TPM1: variants seen among roughly 807,000 people sequenced by gnomAD.
The protein encoded by TPM1 is tropomyosin 1.
In TPM1, 24 loss-of-function variants were observed where a neutral mutation model predicts 42.9. That is an observed-to-expected ratio of 0.56 (90% CI 0.41 to 0.79). The LOEUF is 0.79. TPM1 is among the 30% of genes least tolerant of loss of function. The pLI, the probability that TPM1 is intolerant of heterozygous loss-of-function variation, is 0.00. For synonymous variants in TPM1, 136 were observed against 130.1 expected (o/e 1.05, Z -0.31); for missense variants, 158 against 351.8 (o/e 0.45, Z 4.41).
chr15:63,056,479 A>G (rs1596357664), intron 2 of TPM1: 1 of 206,944 alleles, frequency 4.8e-6, no homozygotes, highest in South Asian at 8.0e-5. Context: ...ATCCTGGCTA[A>G]CACGGTGAAA....
chr15:63,062,021 T>C, intron 6 of TPM1, 194 bp from the exon 7 acceptor site: 1 of 683,526 alleles, frequency 1.5e-6, no homozygotes, highest in Non-Finnish European at 2.6e-6. Context: ...ATAAGTTATC[T>C]TGTTGTTATC....
chr15:63,043,835 C>G, intron 1 of TPM1, 192 bp from the exon 2 acceptor site: 2 of 1,548,568 alleles, frequency 1.3e-6, no homozygotes, highest in Non-Finnish European at 1.7e-6. Flanking sequence ...CGCCAAGGTA[C>G]CCGGGGCGCG....
At chr15:63,069,824 C>T, downstream of TPM1, 1 of 1,613,244 alleles carries the variant, frequency 6.2e-7, no homozygotes, top group Non-Finnish European at 8.5e-7. Flanking sequence ...GCTAACCTGT[C>T]TTCCTTCTGC....
chr15:63,043,111 C>T (rs2031523909), intron 1 of TPM1, 168 bp downstream of exon 1: 1 of 653,950 alleles, frequency 1.5e-6, no homozygotes, highest in South Asian at 1.8e-5. Context: ...AACGCAAGAG[C>T]CAGGCTTAGT....
chr15:63,044,452 C>T, intron 2 of TPM1: 2 of 593,206 alleles, frequency 3.4e-6, no homozygotes, highest in East Asian at 5.5e-5. Context: ...ACTTCACCTC[C>T]CTGGTGGCAG....
downstream of TPM1, chr15:63,069,790 T>TATTA: frequency 6.3e-7 from 1 of 1,579,910 alleles, no homozygotes; most frequent in South Asian, 1.1e-5. Context: ...TTGTGTTCTC[T>TATTA]ATTAACTGCC....
At chr15:63,043,683 C>T (rs1484022514) in intron 1 of TPM1, 17 of 1,540,852 alleles carry the variant, frequency 1.1e-5, no homozygotes, top group Non-Finnish European at 1.3e-5. Context: ...CGGCCGCCCG[C>T]GCCCGCCCGC....
chr15:63,051,893 GTT>G (rs5813189), intron 2 of TPM1, among the ~76,000 whole-genome samples: 1,641 of 97,008 alleles, frequency 0.017, 21 homozygotes, highest in African/African-American at 0.051. Flanking sequence ...CATAAAAGTT[GTT>G]TTTTTTTTTT....
At position 63,062,294 on chromosome 15, in the gene TPM1, G is replaced by T; in HGVS notation, c.702+17G>T. On this transcript the variant is annotated intron_variant, in intron 7 of 9. Coordinates refer to ENST00000403994, the MANE Select transcript of TPM1 (RefSeq NM_001018005.2). Reference sequence around the variant, plus strand: ...CTGAAGGAGGTAATATGAGAGTTGTGGATGAAGCCAACTGGATTTTAAATG... The same window carrying T: ...CTGAAGGAGGTAATATGAGAGTTGTTGATGAAGCCAACTGGATTTTAAATG... 1 of 1,612,596 alleles carries T rather than the reference G, an allele frequency of 6.2e-7. No homozygotes were observed. Among genetic ancestry groups the T allele is most frequent in the African/African-American group, 1.3e-5 (1 of 74,988 alleles).
At position 63,044,166 on chromosome 15, in the gene TPM1, C is replaced by T; in HGVS notation, c.240+14C>T. The T allele has an allele frequency of 6.2e-7, 1 of 1,614,188 alleles. No individual in the cohort carries two copies. The highest frequency in any genetic ancestry group is 8.5e-7 in the Non-Finnish European group (1 of 1,180,036). ...AAGGCCACCGATGTAAGTGCACGCTCACACTGCTTCCCTCACCTCTTGCCT... is the reference window on the plus strand; with the variant it reads ...AAGGCCACCGATGTAAGTGCACGCTTACACTGCTTCCCTCACCTCTTGCCT... On this transcript the variant is annotated intron_variant, in intron 2 of 9. Transcript: ENST00000403994.
chr15:63,062,767 G>A (rs751198820), intron 8 of TPM1, 122 bp downstream of exon 8: 2 of 1,571,176 alleles, frequency 1.3e-6, no homozygotes, highest in South Asian at 1.2e-5. Flanking sequence ...CATTCTTCCT[G>A]TGTGTCCTCT....
intron 2 of TPM1, 63 bp downstream of exon 2, chr15:63,044,215 C>G: frequency 6.2e-7 from 1 of 1,612,996 alleles, no homozygotes; most frequent in Non-Finnish European, 8.5e-7. Context: ...GGGGTCACCA[C>G]AGGGCTGGAG....
At chr15:63,044,321 ACATT>A in intron 2 of TPM1, 169 bp downstream of exon 2, 1 of 908,364 alleles carries the variant, frequency 1.1e-6, no homozygotes, top group Non-Finnish European at 1.7e-6. Context: ...GCTACTGCAC[ACATT>A]CATTTATATT....
At chr15:63,066,544 A>G (rs2036285856), downstream of TPM1, among the ~76,000 whole-genome samples, 1 of 152,220 alleles carries the variant, frequency 6.6e-6, no homozygotes, top group South Asian at 2.1e-4. Flanking sequence ...AACTAATGAA[A>G]GGCTCATGAT....
chr15:63,055,027 T>TAAAA (rs5813193), intron 2 of TPM1, among the ~76,000 whole-genome samples: 5 of 147,934 alleles, frequency 3.4e-5, no homozygotes, highest in Non-Finnish European at 7.5e-5. Flanking sequence ...GTAATAGTAA[T>TAAAA]AAAAAAAAAA....
chr15:63,043,099 G>T, intron 1 of TPM1, 156 bp downstream of exon 1: 1 of 675,268 alleles, frequency 1.5e-6, no homozygotes, highest in African/African-American at 1.8e-5. Flanking sequence ...AGAAGGAAGG[G>T]AAACGCAAGA....
chr15:63,048,660 G>A, intron 2 of TPM1: 1 of 1,539,686 alleles, frequency 6.5e-7, no homozygotes, highest in South Asian at 1.2e-5. Context: ...GGAGCGCGCG[G>A]GCACCCTGCA....
rs1268244272 is a variant in TPM1 at position 63,059,928 on chromosome 15, G to A, written c.492+248G>A. Reference sequence around the variant, plus strand: ...GAAGGACCAAAACTCCTCTCCCCCAGCCACAAAGACCCGGACAAAAGATCT... The same window carrying A: ...GAAGGACCAAAACTCCTCTCCCCCAACCACAAAGACCCGGACAAAAGATCT... On this transcript the variant is annotated intron_variant, in intron 4 of 9. Coordinates refer to ENST00000403994, the MANE Select transcript of TPM1 (RefSeq NM_001018005.2). 1.3e-5 allele frequency: 5 copies of A among 371,194 alleles called. No individual in the cohort carries two copies. In the Admixed American group the frequency reaches 1.8e-4, roughly 14 times the overall value. 23.0% of individuals were successfully genotyped at this position (371,194 alleles called of 1,614,324 possible). A position where few individuals can be genotyped will look rare whatever the true frequency, so the allele number is the denominator to read the frequency against.
chr15:63,062,781 G>A (rs777519708), intron 8 of TPM1, 136 bp downstream of exon 8: 75 of 1,554,274 alleles, frequency 4.8e-5, no homozygotes, highest in Non-Finnish European at 6.4e-5. Context: ...GTCCTCTGGG[G>A]TTTTTCTCTG....
Sources: allele counts gnomAD v4.1 joint callset (sites outside exome capture counted in the v4.1 genomes callset), GRCh38; gene constraint gnomAD v4.1.1; transcripts MANE v1.5; gene names NCBI Gene and HGNC (gene_info 2026-07-23, HGNC 2026-07-21).